The following CLEC16A variants were observed in gnomAD, a reference collection of about 807,000 sequenced individuals.
CLEC16A encodes protein CLEC16A.
Under a neutral mutation model 109.5 loss-of-function variants are expected in CLEC16A, and 51 were observed. The ratio of observed to expected loss-of-function variants is 0.47; its 90% CI spans 0.37 to 0.59. CLEC16A has a LOEUF of 0.59. Ranked by LOEUF, CLEC16A falls within the 20% of genes least tolerant of loss-of-function variation. The pLI is 0.00. For missense variants in CLEC16A, 1,339 were observed against 1,394.0 expected, an observed-to-expected ratio of 0.96 and a Z score of 0.63; for synonymous variants, 673 against 564.2, an observed-to-expected ratio of 1.19 and a Z score of -2.73.
chr16:11,094,819 C>G (rs529585071), intron 19 of CLEC16A, among the ~76,000 whole-genome samples: 2 of 152,180 alleles, frequency 1.3e-5, no homozygotes, highest in South Asian at 2.1e-4. Context: ...ATCAATAAAG[C>G]CTGTAGAATG....
intron 22 of CLEC16A, among the ~76,000 whole-genome samples, chr16:11,155,049 G>T (rs955035042): frequency 2.0e-5 from 3 of 152,110 alleles, no homozygotes; most frequent in African/African-American, 7.2e-5. Flanking sequence ...GCTGAGCCTG[G>T]CGAGGTCAAG....
intron 22 of CLEC16A, chr16:11,156,997 C>G (rs2054557195): frequency 1.7e-6 from 2 of 1,186,368 alleles, no homozygotes; most frequent in Admixed American, 2.6e-5. Flanking sequence ...CTTCACCCGA[C>G]AGCAAAAACA....
chr16:10,977,577 G>A (rs539760986), intron 8 of CLEC16A, among the ~76,000 whole-genome samples, 178 bp downstream of exon 8: 7 of 152,054 alleles, frequency 4.6e-5, no homozygotes, highest in Non-Finnish European at 8.8e-5. Flanking sequence ...GCAGTGGTGC[G>A]ATCTTGGCTC....
chr16:11,042,615 GTATT>G (rs2047401318), intron 15 of CLEC16A, among the ~76,000 whole-genome samples: 2 of 152,298 alleles, frequency 1.3e-5, no homozygotes, highest in Admixed American at 1.3e-4. Context: ...ATTTGATTCT[GTATT>G]TGTCCTCAGG....
chr16:11,005,845 C>T (rs1334051816), intron 11 of CLEC16A, among the ~76,000 whole-genome samples: 1 of 152,152 alleles, frequency 6.6e-6, no homozygotes, highest in Non-Finnish European at 1.5e-5. Flanking sequence ...CGAGATCTGA[C>T]TCGCAGTCAT....
intron 23 of CLEC16A, among the ~76,000 whole-genome samples, chr16:11,173,792 C>A (rs1383182126): frequency 6.6e-6 from 1 of 152,214 alleles, no homozygotes; most frequent in Non-Finnish European, 1.5e-5. Flanking sequence ...ACAGGTGATT[C>A]TGTTCTTCCG....
intron 3 of CLEC16A, among the ~76,000 whole-genome samples, chr16:10,966,037 T>A (rs977586228): frequency 6.6e-6 from 1 of 152,084 alleles, no homozygotes; most frequent in African/African-American, 2.4e-5. Flanking sequence ...TGCCAGCCCA[T>A]TACCCCTCCC....
intron 19 of CLEC16A, among the ~76,000 whole-genome samples, chr16:11,088,796 G>A (rs1035619569): frequency 1.3e-5 from 2 of 152,236 alleles, no homozygotes; most frequent in African/African-American, 2.4e-5. Flanking sequence ...AGTGGGCGCC[G>A]TCCTGGGCTG....
chr16:11,024,952 G>C, intron 13 of CLEC16A, 31 bp downstream of exon 13: 3 of 1,474,872 alleles, frequency 2.0e-6, no homozygotes, highest in Non-Finnish European at 1.9e-6. Context: ...TGACTTCCTT[G>C]CTGGGCCCTG....
chr16:11,013,979 T>C (rs186138774), intron 11 of CLEC16A, among the ~76,000 whole-genome samples: 16 of 152,228 alleles, frequency 1.1e-4, no homozygotes, highest in Non-Finnish European at 1.6e-4. Flanking sequence ...TTTGGATTCT[T>C]TTTTAAAATT....
At position 11,020,318 on chromosome 16, in the gene CLEC16A, T is replaced by C. The variant is rs372006524; in HGVS notation, c.1429T>C (p.Trp477Arg). 1.7e-5 allele frequency: 28 copies of C among 1,610,080 alleles called. No homozygotes were observed. The highest frequency in any genetic ancestry group is 2.7e-5 in the African/African-American group (2 of 74,742). ...AAATCSESTQWSRPFLDMVYH... is the reference protein window; with the variant it reads ...AAATCSESTQRSRPFLDMVYH... ...CGCCACCTGCTCTGAGAGCACGCAA[T>C]GGAGCAGGTAGCTGCCCGAGAGGTC... is the stretch of plus-strand genomic sequence containing the variant. The change falls in exon 12 of 24, where the codon TGG becomes CGG. Residue 477 changes from tryptophan (W) to arginine (R), a missense_variant. Coordinates refer to ENST00000409790, the MANE Select transcript of CLEC16A (RefSeq NM_015226.3).
At chr16:11,002,223 C>G (rs2044709248) in intron 10 of CLEC16A, among the ~76,000 whole-genome samples, 1 of 152,152 alleles carries the variant, frequency 6.6e-6, no homozygotes, top group East Asian at 1.9e-4. Flanking sequence ...CTATAAAGTT[C>G]AAGTGAGATC....
chr16:10,972,916 T>G, intron 6 of CLEC16A, 22 bp from the exon 7 acceptor site: 4 of 1,571,738 alleles, frequency 2.5e-6, no homozygotes, highest in Non-Finnish European at 3.4e-6. Context: ...TGACTTTTTT[T>G]TTCTTCTGTG....
chr16:10,967,631 A>G (rs1276132114), intron 3 of CLEC16A, among the ~76,000 whole-genome samples: 1 of 152,220 alleles, frequency 6.6e-6, no homozygotes, highest in Non-Finnish European at 1.5e-5. Flanking sequence ...CATGCTGTCC[A>G]TTCACACAGC....
intron 19 of CLEC16A, chr16:11,070,395 T>C (rs2049006310): frequency 6.7e-6 from 1 of 149,242 alleles, no homozygotes; most frequent in African/African-American, 2.5e-5. Flanking sequence ...AAGCTAGAGA[T>C]GGGATCTCAC....
At chr16:11,093,142 TG>T (rs2050409519) in intron 19 of CLEC16A, among the ~76,000 whole-genome samples, 1 of 152,250 alleles carries the variant, frequency 6.6e-6, no homozygotes, top group Non-Finnish European at 1.5e-5. Context: ...ATGGTGCTTT[TG>T]GGGCATCACA....
At chr16:11,005,314 C>G (rs913058048) in intron 11 of CLEC16A, among the ~76,000 whole-genome samples, 1 of 152,180 alleles carries the variant, frequency 6.6e-6, no homozygotes, top group African/African-American at 2.4e-5. Flanking sequence ...AAGCTGTGCC[C>G]AGCTGCCCTG....
intron 19 of CLEC16A, among the ~76,000 whole-genome samples, chr16:11,077,015 G>A (rs1393917080): frequency 6.6e-6 from 1 of 152,206 alleles, no homozygotes; most frequent in Non-Finnish European, 1.5e-5. Flanking sequence ...GGAAGCACCT[G>A]AAATCACAAG....
At chr16:11,122,840 A>T (rs923836449) in intron 20 of CLEC16A, among the ~76,000 whole-genome samples, 4 of 131,738 alleles carry the variant, frequency 3.0e-5, no homozygotes, top group African/African-American at 8.8e-5. Context: ...TTTATTCTCC[A>T]CCTTTGAAAC....
Sources: gnomAD v4.1 joint callset for allele counts (sites outside exome capture counted in the v4.1 genomes callset) on GRCh38, gnomAD v4.1.1 for gene constraint, MANE v1.5 for transcripts, NCBI Gene and HGNC (gene_info 2026-07-23, HGNC 2026-07-21) for gene names.